NEURL3: variants seen among roughly 807,000 people sequenced by gnomAD.
The protein encoded by NEURL3 is E3 ubiquitin-protein ligase NEURL3.
In NEURL3, 19 loss-of-function variants were observed where a neutral mutation model predicts 17.6. The observed-to-expected ratio is 1.08, with a 90% confidence interval of 0.75 to 1.58. NEURL3 has a LOEUF of 1.58. Ranked by LOEUF, NEURL3 falls within the 40% of genes most tolerant of loss-of-function variation. The probability of loss-of-function intolerance (pLI) is 0.00; values close to 1 mark genes in which losing one functional copy is unlikely to be tolerated. For missense variants in NEURL3, 342 were observed against 379.6 expected, an observed-to-expected ratio of 0.90 and a Z score of 0.82; for synonymous variants, 180 against 161.4, an observed-to-expected ratio of 1.11 and a Z score of -0.87.
At chr2:96,504,123 C>A (rs2065537890) in intron 1 of NEURL3, among the ~76,000 whole-genome samples, 1 of 152,186 alleles carries the variant, frequency 6.6e-6, no homozygotes, top group Non-Finnish European at 1.5e-5. Flanking sequence ...ATTCCAGATT[C>A]TCTAAGATCT....
chr2:96,504,235 G>C (rs2065539122), intron 1 of NEURL3, among the ~76,000 whole-genome samples: 1 of 151,552 alleles, frequency 6.6e-6, no homozygotes, highest in Non-Finnish European at 1.5e-5. Flanking sequence ...AGGGTGTCAG[G>C]CACCCATAAG....
At position 96,498,942 on chromosome 2, in the gene NEURL3, T is replaced by A. The variant is rs986498415; in HGVS notation, c.586+436A>T. 6.6e-6 allele frequency among the ~76,000 whole-genome samples: 1 copy of A among 152,096 alleles called. No homozygotes were observed. Among genetic ancestry groups the A allele is most frequent in the Non-Finnish European group, 1.5e-5 (1 of 68,028 alleles). ...ACAGACATGCACCACCACACTCAGC[T>A]AATTTTTGTACTTTTTGTAGAGACA... On this transcript the variant is annotated intron_variant, in intron 3 of 3. Coordinates refer to ENST00000451794, the MANE Select transcript of NEURL3 (RefSeq NM_001285485.2). The surrounding 1 kb of genome is among the most constrained non-coding windows in gnomAD (Gnocchi z 4.4).
At position 96,498,045 on chromosome 2, in the gene NEURL3, T is replaced by C; in HGVS notation, c.*199A>G. 1.8e-6 allele frequency: 1 copy of C among 554,168 alleles called. No individual in the cohort carries two copies. Among genetic ancestry groups the C allele is most frequent in the Non-Finnish European group, 3.1e-6 (1 of 319,048 alleles). 34.3% of individuals were successfully genotyped at this position (554,168 alleles called of 1,614,324 possible). ...GTTCTGGCATGGACAGAAAGAGGGG[T>C]TTTTCCTTGCTATCCTGTTGGGGAA... On this transcript the variant is annotated 3_prime_UTR_variant, in exon 4 of 4. Transcript: ENST00000451794. This position sits in a 1 kb window ranked among gnomAD's most constrained non-coding sequence, Gnocchi z 4.4.
At chr2:96,503,454 C>T (rs1573158532) in intron 1 of NEURL3, among the ~76,000 whole-genome samples, 1 of 152,292 alleles carries the variant, frequency 6.6e-6, no homozygotes, top group Middle Eastern at 3.4e-3. Context: ...CAGGCTCCAC[C>T]CCCTACCTCG....
chr2:96,507,174 AGGCT>A (rs1416068170), upstream of NEURL3, among the ~76,000 whole-genome samples: 2 of 152,216 alleles, frequency 1.3e-5, no homozygotes, highest in Non-Finnish European at 1.5e-5. Context: ...GAATCTGAAC[AGGCT>A]GGCCGACTCT....
At chr2:96,499,481 CG>C in intron 2 of NEURL3, 32 bp from the exon 3 acceptor site, 18 of 1,592,980 alleles carry the variant, frequency 1.1e-5, no homozygotes, top group Non-Finnish European at 1.5e-5. Context: ...AGGTCCAGGA[CG>C]GCAAGCCCAG....
upstream of NEURL3, among the ~76,000 whole-genome samples, chr2:96,506,241 T>A (rs2065559819): frequency 6.6e-6 from 1 of 152,100 alleles, no homozygotes; most frequent in Non-Finnish European, 1.5e-5. Flanking sequence ...AGGGTCTCAC[T>A]GTCATTCAGG....
At chr2:96,501,346 C>T (rs1381773052) in intron 1 of NEURL3, among the ~76,000 whole-genome samples, 4 of 152,158 alleles carry the variant, frequency 2.6e-5, no homozygotes, top group East Asian at 1.9e-4. Context: ...TGAGCCACTG[C>T]GCCCAGCCCA....
Position 96,505,265 on chromosome 2 carries a change from C to T in NEURL3, c.22G>A (p.Glu8Lys), listed in dbSNP as rs1489466985. 2.5e-6 allele frequency: 4 copies of T among 1,599,174 alleles called. No homozygotes were observed. Among genetic ancestry groups the T allele is most frequent in the Admixed American group, 1.7e-5 (1 of 60,004 alleles). MGAQLCF[E>K]ANAKAPREAL... ...TTGCAGGAGGTCTACTTACTGGCCTCGAAGCAGAGCTGGGCACCCATCAGT... is the reference window on the plus strand; with the variant it reads ...TTGCAGGAGGTCTACTTACTGGCCTTGAAGCAGAGCTGGGCACCCATCAGT... The change falls in exon 1 of 4, where the codon GAG becomes AAG. Residue 8 changes from glutamate (E) to lysine (K), a missense_variant. Glu to Lys is a moderately conservative substitution (Grantham distance 56). Transcript: ENST00000451794.
intron 3 of NEURL3, chr2:96,499,081 C>G (rs1262767089): frequency 1.1e-6 from 1 of 929,068 alleles, no homozygotes; most frequent in African/African-American, 1.7e-5. Flanking sequence ...CCCCACCTAT[C>G]CTTTCATCTT....
At chr2:96,504,322 G>C (rs2065540427) in intron 1 of NEURL3, among the ~76,000 whole-genome samples, 1 of 152,226 alleles carries the variant, frequency 6.6e-6, no homozygotes, top group Non-Finnish European at 1.5e-5. Context: ...CTAGTCATCT[G>C]TGTTTTTGCA....
chr2:96,498,596 A>G lies in NEURL3; in HGVS notation c.587-150T>C. On this transcript the variant is annotated intron_variant, in intron 3 of 3. Transcript: ENST00000451794. The surrounding 1 kb of genome is among the most constrained non-coding windows in gnomAD (Gnocchi z 4.4). ...GAAATGCTTACAGTGTAATCAAGTG[A>G]AAAAAAGGGGGAAGAAAACCATTTT... The G allele has an allele frequency of 2.6e-6, 2 of 756,876 alleles. No individual in the cohort carries two copies. Among genetic ancestry groups the G allele is most frequent in the Non-Finnish European group, 4.1e-6 (2 of 488,140 alleles). 46.9% of individuals were successfully genotyped at this position (756,876 alleles called of 1,614,324 possible).
chr2:96,501,065 TC>T, intron 1 of NEURL3, 141 bp from the exon 2 acceptor site: 1 of 1,044,644 alleles, frequency 9.6e-7, no homozygotes, highest in South Asian at 1.8e-5. Context: ...CTCTCTCGGT[TC>T]CTGCAGGGTT....
chr2:96,497,857 A>G lies in NEURL3; in HGVS notation c.*387T>C. The G allele has an allele frequency of 5.5e-6, 1 of 180,888 alleles. No homozygotes were observed. The highest frequency in any genetic ancestry group is 1.2e-5 in the Non-Finnish European group (1 of 86,874). The allele number at this position is 180,888 out of a possible 1,614,324, so 11.2% of individuals were successfully genotyped here. A position where few individuals can be genotyped will look rare whatever the true frequency, so the allele number is the denominator to read the frequency against. ...CAACCCAGCTTCCATGTGGAACTTT[A>G]TACATTCCTTGCAGATACCTCCTGC... On this transcript the variant is annotated 3_prime_UTR_variant, in exon 4 of 4. Coordinates refer to ENST00000451794, the MANE Select transcript of NEURL3 (RefSeq NM_001285485.2).
At chr2:96,506,803 C>T (rs539138602), upstream of NEURL3, among the ~76,000 whole-genome samples, 8 of 152,360 alleles carry the variant, frequency 5.3e-5, no homozygotes, top group South Asian at 1.2e-3. Context: ...GGAAAATTAC[C>T]TGGCAAGCTA....
upstream of NEURL3, among the ~76,000 whole-genome samples, chr2:96,505,862 G>A (rs1558601723): frequency 6.6e-6 from 1 of 152,206 alleles, no homozygotes; most frequent in Non-Finnish European, 1.5e-5. Context: ...ACAGAAAGGA[G>A]GGGTAAAGCA....
chr2:96,500,264 C>T, intron 2 of NEURL3, 175 bp downstream of exon 2: 2 of 883,274 alleles, frequency 2.3e-6, no homozygotes, highest in Non-Finnish European at 3.4e-6. Flanking sequence ...GCCCTCCCTA[C>T]GACTGAGCCT....
At chr2:96,503,020 T>A in intron 1 of NEURL3, among the ~76,000 whole-genome samples, 1 of 152,278 alleles carries the variant, frequency 6.6e-6, no homozygotes. Flanking sequence ...CCCGTGCTCA[T>A]TGGGGATGGA....
At chr2:96,505,123 G>A (rs2065550471) in intron 1 of NEURL3, 136 bp downstream of exon 1, 1 of 967,382 alleles carries the variant, frequency 1.0e-6, no homozygotes, top group Non-Finnish European at 1.5e-6. Context: ...GCTCAACTTG[G>A]CAGAACTGGG....
Sources: allele counts gnomAD v4.1 joint callset (sites outside exome capture counted in the v4.1 genomes callset), GRCh38; gene constraint gnomAD v4.1.1; non-coding constraint Gnocchi (gnomAD v3.1); transcripts MANE v1.5; gene names NCBI Gene and HGNC (gene_info 2026-07-23, HGNC 2026-07-21).